The following ZC3H15 variants were observed in gnomAD, a reference collection of about 807,000 sequenced individuals.
The protein encoded by ZC3H15 is zinc finger CCCH domain-containing protein 15.
A neutral mutation model predicts 51.2 loss-of-function variants in ZC3H15; 15 were observed. The ratio of observed to expected loss-of-function variants is 0.29; its 90% CI spans 0.20 to 0.45. ZC3H15 has a LOEUF of 0.45. Among genes scored for constraint, ZC3H15 ranks in the 20% least tolerant of loss-of-function variants. ZC3H15 has a pLI of 1.00. For synonymous variants in ZC3H15, 144 were observed against 162.8 expected (o/e 0.88, Z 0.88); for missense variants, 381 against 494.7 (o/e 0.77, Z 2.18).
chr2:186,495,303 A>G lies in ZC3H15; in HGVS notation c.146A>G (p.Gln49Arg). The G allele has an allele frequency of 6.5e-7, 1 of 1,549,052 alleles. No homozygotes were observed. The highest frequency in any genetic ancestry group is 8.7e-7 in the Non-Finnish European group (1 of 1,152,586). Residue 49 changes from glutamine to arginine, a missense_variant, in exon 2 of 10, where the codon CAA becomes CGA. Physicochemically the swap from Gln to Arg is conservative, Grantham distance 43 (BLOSUM62 1). Around this residue, in one of 3 missense-constraint regions of ZC3H15, gnomAD observed 125 missense variants for 166.3 expected, o/e 0.75. Coordinates refer to ENST00000337859, the MANE Select transcript of ZC3H15 (RefSeq NM_018471.3). ...QQKFIKAVTH[Q>R]VKFGQQNPRQ... Reference sequence around the variant, plus strand: ...AAGTTTATCAAGGCTGTCACACATCAAGTTAAATTTGGTCAACAAAATCCA... The same window carrying G: ...AAGTTTATCAAGGCTGTCACACATCGAGTTAAATTTGGTCAACAAAATCCA...
At chr2:186,497,447 GC>G (rs1685301034) in intron 2 of ZC3H15, among the ~76,000 whole-genome samples, 1 of 152,132 alleles carries the variant, frequency 6.6e-6, no homozygotes, top group Non-Finnish European at 1.5e-5. Context: ...ACTTTGGGAG[GC>G]CGGGGCGGGC....
rs1307281188 is a variant in ZC3H15 at position 186,506,787 on chromosome 2, T to G, written c.1041T>G (p.Ile347Met). ...CAAGAGATGTAGATGAAACAGGTAT[T>G]ACTGTAGCCAGTCTTGAAAGATTCA... ...YIPRDVDETG[I>M]TVASLERFST... The change falls in exon 9 of 10, where the codon ATT becomes ATG. Residue 347 changes from isoleucine (I) to methionine (M), a missense_variant. Around this residue, in one of 3 missense-constraint regions of ZC3H15, gnomAD observed 215 missense variants for 241.8 expected, o/e 0.89. Coordinates refer to ENST00000337859, the MANE Select transcript of ZC3H15 (RefSeq NM_018471.3). The G allele has an allele frequency of 6.2e-7, 1 of 1,613,860 alleles. No homozygotes were observed. The highest frequency in any genetic ancestry group is 8.5e-7 in the Non-Finnish European group (1 of 1,179,870).
intron 9 of ZC3H15, chr2:186,507,403 C>T: frequency 2.2e-6 from 1 of 456,602 alleles, no homozygotes; most frequent in Non-Finnish European, 4.4e-6. Flanking sequence ...AGAGGGAAGA[C>T]ATGGTCATGG....
At chr2:186,490,015 C>T (rs1411806602) in intron 1 of ZC3H15, among the ~76,000 whole-genome samples, 1 of 152,132 alleles carries the variant, frequency 6.6e-6, no homozygotes, top group Admixed American at 6.5e-5. Context: ...TAAATAAAAA[C>T]TAGGGGACAT....
chr2:186,504,291 C>T, intron 6 of ZC3H15, 77 bp downstream of exon 6: 1 of 1,028,940 alleles, frequency 9.7e-7, no homozygotes, highest in Admixed American at 3.6e-5. Flanking sequence ...CCACTTGGGG[C>T]AATAGCCTTT....
At chr2:186,490,897 C>G (rs778885345) in intron 1 of ZC3H15, among the ~76,000 whole-genome samples, 2 of 152,298 alleles carry the variant, frequency 1.3e-5, no homozygotes, top group South Asian at 2.1e-4. Context: ...AGTTCCTTTA[C>G]TATCATGTTA....
chr2:186,494,432 T>C (rs1006606554), intron 1 of ZC3H15, among the ~76,000 whole-genome samples: 1 of 152,202 alleles, frequency 6.6e-6, no homozygotes, highest in African/African-American at 2.4e-5. Flanking sequence ...ATGTGTTCAG[T>C]ATCGTATAAC....
intron 1 of ZC3H15, chr2:186,489,154 T>C (rs1685155296): frequency 1.3e-5 from 2 of 152,250 alleles, no homozygotes; most frequent in African/African-American, 2.4e-5. Context: ...TTTTATGTTC[T>C]GGTCCAGGGA....
At chr2:186,502,868 C>T (rs1400763673) in intron 5 of ZC3H15, among the ~76,000 whole-genome samples, 1 of 152,130 alleles carries the variant, frequency 6.6e-6, no homozygotes, top group African/African-American at 2.4e-5. Context: ...AACAAAATTA[C>T]ATATCCAGAC....
chr2:186,486,816 C>A (rs1015105528), intron 1 of ZC3H15: 3 of 235,498 alleles, frequency 1.3e-5, no homozygotes, highest in Non-Finnish European at 2.4e-5. Flanking sequence ...GCTGAACGGT[C>A]TCGGGCCAGC....
intron 8 of ZC3H15, 100 bp from the exon 9 acceptor site, chr2:186,506,613 A>T (rs1391281129): frequency 7.4e-7 from 1 of 1,359,214 alleles, no homozygotes; most frequent in East Asian, 2.4e-5. Flanking sequence ...TTTTGTTTTC[A>T]CTTGGATCAG....
rs1231789185 is a variant in ZC3H15, at chr2:186,498,775, A to G, written c.178-1407A>G. 2.0e-5 allele frequency among the ~76,000 whole-genome samples: 3 copies of G among 152,092 alleles called. No homozygotes were observed. In the South Asian group the frequency reaches 6.2e-4, roughly 32 times the overall value. ...TCCCATTTTATGTTGATTTTCTTCA[A>G]GGAAGTGTCCTTTACTCTTGCCACT... On this transcript the variant is annotated intron_variant, in intron 2 of 9. Coordinates refer to ENST00000337859, the MANE Select transcript of ZC3H15 (RefSeq NM_018471.3).
intron 6 of ZC3H15, among the ~76,000 whole-genome samples, chr2:186,504,830 AAC>A (rs1685442927): frequency 6.6e-6 from 1 of 152,348 alleles, no homozygotes; most frequent in Non-Finnish European, 1.5e-5. Flanking sequence ...CTCAGGATAT[AAC>A]ACACTATAAT....
intron 2 of ZC3H15, among the ~76,000 whole-genome samples, chr2:186,496,662 T>C (rs545736552): frequency 6.6e-6 from 1 of 152,318 alleles, no homozygotes; most frequent in East Asian, 1.9e-4. Context: ...GCAAATATCA[T>C]AGAGTGTACT....
chr2:186,498,243 G>A (rs913359213), intron 2 of ZC3H15, among the ~76,000 whole-genome samples: 45 of 152,238 alleles, frequency 3.0e-4, no homozygotes, highest in African/African-American at 1.1e-3. Flanking sequence ...GAATGAAACG[G>A]GGTGGGAAGA....
intron 4 of ZC3H15, 43 bp from the exon 5 acceptor site, chr2:186,502,453 A>G: frequency 2.0e-6 from 3 of 1,467,784 alleles, no homozygotes; most frequent in Non-Finnish European, 2.8e-6. Context: ...TTGTGGGAGT[A>G]GTAGATAAGA....
rs1317313888 is a variant in ZC3H15, at chr2:186,486,337, G to T, written c.-46G>T. 5 of 1,500,800 alleles carry T rather than the reference G, an allele frequency of 3.3e-6. No homozygotes were observed. The highest frequency in any genetic ancestry group is 8.9e-7 in the Non-Finnish European group (1 of 1,118,314). The allele number at this position is 1,500,800 out of a possible 1,614,324, so 93.0% of individuals were successfully genotyped here. On this transcript the variant is annotated 5_prime_UTR_variant, in exon 1 of 10. Coordinates refer to ENST00000337859, the MANE Select transcript of ZC3H15 (RefSeq NM_018471.3). ...CTGCCGCAGGGCCAGAACCCCTGAC[G>T]GTATTCAGCTGCGCGTAAGTCTGGC...
Position 186,495,288 on chromosome 2 carries a change from A to G in ZC3H15, c.131A>G (p.Lys44Arg), listed in dbSNP as rs751061467. 47 of 1,556,200 alleles carry G rather than the reference A, an allele frequency of 3.0e-5. No homozygotes were observed. The highest frequency in any genetic ancestry group is 2.4e-4 in the East Asian group (10 of 40,852). The change falls in exon 2 of 10, where the codon AAG (lysine) becomes AGG (arginine). Residue 44 changes from lysine (K) to arginine (R), a missense_variant. Transcript: ENST00000337859. The part of the protein sequence containing the change: ...KKGAKQQKFI[K>R]AVTHQVKFGQ... ...GGAGCAAAGCAACAGAAGTTTATCA[A>G]GGCTGTCACACATCAAGTTAAATTT...
intron 6 of ZC3H15, 144 bp downstream of exon 6, chr2:186,504,358 A>T (rs553322647): frequency 1.6e-6 from 1 of 633,934 alleles, no homozygotes; most frequent in Admixed American, 3.9e-5. Context: ...TACTTTAATT[A>T]TTCTTGTATG....
Sources: allele counts gnomAD v4.1 joint callset (sites outside exome capture counted in the v4.1 genomes callset), GRCh38; gene constraint gnomAD v4.1.1; regional missense constraint gnomAD v4.1.1; transcripts MANE v1.5; gene names NCBI Gene and HGNC (gene_info 2026-07-23, HGNC 2026-07-21).